The following SWT1 variants were observed in gnomAD, a reference collection of about 807,000 sequenced individuals.
The protein encoded by SWT1 is transcriptional protein SWT1.
In SWT1, 33 loss-of-function variants were observed where a neutral mutation model predicts 107.3. The observed-to-expected ratio is 0.31, with a 90% CI of 0.23 to 0.41. SWT1 has a LOEUF of 0.41. Ranked by LOEUF, SWT1 falls within the 10% of genes least tolerant of loss-of-function variation. The pLI, the probability that SWT1 is intolerant of heterozygous loss-of-function variation, is 1.00. For synonymous variants in SWT1, 345 were observed against 348.3 expected (o/e 0.99, Z 0.11); for missense variants, 898 against 1,028.9 (o/e 0.87, Z 1.74).
At chr1:185,159,839 C>T (rs1181825872) in intron 1 of SWT1, among the ~76,000 whole-genome samples, 5 of 152,260 alleles carry the variant, frequency 3.3e-5, no homozygotes, top group Admixed American at 2.0e-4. Flanking sequence ...ATTCACCTCC[C>T]TCAGCCTCCT....
In SWT1 at chr1:185,271,354, G is replaced by T; in HGVS notation, c.2473G>T (p.Val825Phe). 6.6e-7 allele frequency: 1 copy of T among 1,512,454 alleles called. No homozygotes were observed. Among genetic ancestry groups the T allele is most frequent in the East Asian group, 2.3e-5 (1 of 44,234 alleles). The allele number at this position is 1,512,454 out of a possible 1,614,324, so 93.7% of individuals were successfully genotyped here. Residue 825 changes from valine (V) to phenylalanine (F), a missense_variant, in exon 17 of 19, where the codon GTT becomes TTT. Coordinates refer to ENST00000367500, the MANE Select transcript of SWT1 (RefSeq NM_017673.7). Reference protein sequence around the residue: ...ILAPNSNYQDVETLYNFLIKY... With the variant: ...ILAPNSNYQDFETLYNFLIKY... ...GGCCCCAAACAGTAATTATCAAGAT[G>T]TTGAGACCCTCTATAACTTCCTAAT...
rs12072067 is a variant in SWT1, at chr1:185,213,205, G to T, written c.1973-1302G>T. 1.0e-2 allele frequency among the ~76,000 whole-genome samples: 1,519 copies of T among 152,178 alleles called. 24 individuals carry two copies. The highest frequency in any genetic ancestry group is 0.034 in the African/African-American group (1,429 of 41,518). Reference sequence around the variant, plus strand: ...GCCTCATTAAACATATGTTACATTGGAAAAGCACCCTTAAAAGAAGTTGTG... The same window carrying T: ...GCCTCATTAAACATATGTTACATTGTAAAAGCACCCTTAAAAGAAGTTGTG... On this transcript the variant is annotated intron_variant, in intron 13 of 18. Coordinates refer to ENST00000367500, the MANE Select transcript of SWT1 (RefSeq NM_017673.7).
rs763666483 is a variant in SWT1, at chr1:185,202,638, A to G, written c.1524-16A>G. The G allele has an allele frequency of 1.9e-6, 3 of 1,598,222 alleles. No individual in the cohort carries two copies. The Admixed American group carries it at 5.3e-5, about 28-fold the overall frequency. ...AAAAATATTTTTTCCTCCTAATCCC[A>G]ACCTCCCAACCTTAGGGATGATAGA... On this transcript the variant is annotated splice_polypyrimidine_tract_variant and intron_variant, in intron 10 of 18. Coordinates refer to ENST00000367500, the MANE Select transcript of SWT1 (RefSeq NM_017673.7).
chr1:185,171,861 G>A (rs1169534851), intron 4 of SWT1, among the ~76,000 whole-genome samples: 1 of 152,010 alleles, frequency 6.6e-6, no homozygotes, highest in Non-Finnish European at 1.5e-5. Flanking sequence ...GACTACAGGC[G>A]CATGCCACCA....
chr1:185,191,891 A>G (rs1424849858), intron 10 of SWT1, among the ~76,000 whole-genome samples: 1 of 152,162 alleles, frequency 6.6e-6, no homozygotes, highest in Non-Finnish European at 1.5e-5. Context: ...CTGAAAATTT[A>G]TAGCCAAACC....
rs1463861926 is a variant in SWT1 at position 185,290,843 on chromosome 1, A to C, written c.*40A>C. ...CTTTAAAGGAATTGCATTTGTCCTT[A>C]AGAATAACAGAGTAGTTTTCAATCT... On this transcript the variant is annotated 3_prime_UTR_variant, in exon 19 of 19. Coordinates refer to ENST00000367500, the MANE Select transcript of SWT1 (RefSeq NM_017673.7). 2.6e-6 allele frequency: 4 copies of C among 1,568,278 alleles called. No homozygotes were observed. The highest frequency in any genetic ancestry group is 1.8e-5 in the Admixed American group (1 of 55,930).
rs528651375 is a variant in SWT1 at position 185,257,040 on chromosome 1, G to A, written c.2442-14283G>A. ...TTCAGGTGTGTTGGAATACCCTGCC[G>A]TGTGAGGTGTCAGTGTGCCCCTGCT... On this transcript the variant is annotated intron_variant, in intron 16 of 18. Transcript: ENST00000367500. 7.2e-5 allele frequency among the ~76,000 whole-genome samples: 11 copies of A among 152,166 alleles called. No individual in the cohort carries two copies. In the East Asian group the frequency reaches 1.2e-3, roughly 16 times the overall value.
chr1:185,259,069 T>G (rs1476910996), intron 16 of SWT1, among the ~76,000 whole-genome samples: 2 of 152,168 alleles, frequency 1.3e-5, no homozygotes, highest in Non-Finnish European at 2.9e-5. Flanking sequence ...TCTTCCCAAT[T>G]AAAATTTTTT....
At chr1:185,165,562 A>G (rs1209191514) in intron 2 of SWT1, among the ~76,000 whole-genome samples, 1 of 152,164 alleles carries the variant, frequency 6.6e-6, no homozygotes, top group Non-Finnish European at 1.5e-5. Flanking sequence ...TTGCTTCCTT[A>G]TAGTCTGTTC....
chr1:185,177,668 ATACTT>A (rs1655681372), intron 5 of SWT1, among the ~76,000 whole-genome samples: 1 of 152,204 alleles, frequency 6.6e-6, no homozygotes, highest in Non-Finnish European at 1.5e-5. Flanking sequence ...AATAATGAGT[ATACTT>A]TACAAGGAAA....
intron 15 of SWT1, among the ~76,000 whole-genome samples, chr1:185,230,294 A>G (rs1327859817): frequency 4.6e-5 from 7 of 152,212 alleles, no homozygotes; most frequent in Non-Finnish European, 8.8e-5. Context: ...GCCCAAAACA[A>G]CAGAAATGTA....
rs1174918716 is a variant in SWT1, at chr1:185,183,257, TTA to T, written c.1139-984_1139-983del. 4.6e-5 allele frequency among the ~76,000 whole-genome samples: 7 copies of T among 152,178 alleles called. No homozygotes were observed. The East Asian group carries it at 1.3e-3, about 29-fold the overall frequency. ...CTATGCAATAACAATGCTAGAATTA[TTA>T]TGTTTTTTCTTTTTTTGTTTGTTTG... On this transcript the variant is annotated intron_variant, in intron 7 of 18. Coordinates refer to ENST00000367500, the MANE Select transcript of SWT1 (RefSeq NM_017673.7).
At chr1:185,265,511 G>C (rs1254041089) in intron 16 of SWT1, among the ~76,000 whole-genome samples, 1 of 152,054 alleles carries the variant, frequency 6.6e-6, no homozygotes, top group Non-Finnish European at 1.5e-5. Flanking sequence ...TTCATCATCA[G>C]CAAAATCCAA....
At chr1:185,276,476 C>T in intron 17 of SWT1, 128 bp from the exon 18 acceptor site, 1 of 487,392 alleles carries the variant, frequency 2.1e-6, no homozygotes, top group Non-Finnish European at 3.7e-6. Context: ...CTTATTGTTG[C>T]TGTTTAATCC....
intron 17 of SWT1, among the ~76,000 whole-genome samples, chr1:185,275,869 T>G (rs1419757524): frequency 6.6e-6 from 1 of 152,176 alleles, no homozygotes; most frequent in African/African-American, 2.4e-5. Flanking sequence ...GGGGGTATCA[T>G]TCTTCCCCAC....
chr1:185,290,880 T>C lies in SWT1; in HGVS notation c.*77T>C. On this transcript the variant is annotated 3_prime_UTR_variant, in exon 19 of 19. Coordinates refer to ENST00000367500, the MANE Select transcript of SWT1 (RefSeq NM_017673.7). Reference sequence around the variant, plus strand: ...GTAGTTTTCAATCTGGTCACTCTTTTGGGCCAAACCCAAGAGAATTTTAAG... The same window carrying C: ...GTAGTTTTCAATCTGGTCACTCTTTCGGGCCAAACCCAAGAGAATTTTAAG... 3 of 1,278,266 alleles carry C rather than the reference T, an allele frequency of 2.3e-6. No homozygotes were observed. The highest frequency in any genetic ancestry group is 3.2e-6 in the Non-Finnish European group (3 of 928,652). The allele number at this position is 1,278,266 out of a possible 1,614,324, so 79.2% of individuals were successfully genotyped here.
At chr1:185,188,825 G>T (rs532167721) in intron 9 of SWT1, among the ~76,000 whole-genome samples, 64 of 152,202 alleles carry the variant, frequency 4.2e-4, no homozygotes, top group African/African-American at 1.5e-3. Context: ...CTGGGTCCAG[G>T]CTTCAAAGAT....
chr1:185,220,990 C>T (rs952531688), intron 14 of SWT1, among the ~76,000 whole-genome samples: 1 of 152,064 alleles, frequency 6.6e-6, no homozygotes, highest in Non-Finnish European at 1.5e-5. Flanking sequence ...TGTATACATT[C>T]CTCTGGGGAA....
rs1391381386 is a variant in SWT1, at chr1:185,174,365, T to A, written c.225-7T>A. Reference sequence around the variant, plus strand: ...AATGTAACCTAGGTTTCTGTGCTGTTTTACAGATTGAGTGTAGAAATTGAC... The same window carrying A: ...AATGTAACCTAGGTTTCTGTGCTGTATTACAGATTGAGTGTAGAAATTGAC... On this transcript the variant is annotated splice_polypyrimidine_tract_variant and splice_region_variant and intron_variant, in intron 4 of 18. Transcript: ENST00000367500. 23 of 1,530,258 alleles carry A rather than the reference T, an allele frequency of 1.5e-5. No individual in the cohort carries two copies. Among genetic ancestry groups the A allele is most frequent in the Non-Finnish European group, 2.0e-5 (23 of 1,146,750 alleles). The allele number at this position is 1,530,258 out of a possible 1,614,324, so 94.8% of individuals were successfully genotyped here. A position where few individuals can be genotyped will look rare whatever the true frequency, so the allele number is the denominator to read the frequency against.
Sources: gnomAD v4.1 joint callset for allele counts (sites outside exome capture counted in the v4.1 genomes callset) on GRCh38, gnomAD v4.1.1 for gene constraint, MANE v1.5 for transcripts, NCBI Gene and HGNC (gene_info 2026-07-23, HGNC 2026-07-21) for gene names.